The following IL1RAPL1 variants were observed in gnomAD, a reference collection of about 807,000 sequenced individuals.
IL1RAPL1 encodes the protein interleukin 1 receptor accessory protein like 1, also known as interleukin-1 receptor accessory protein-like 1.
A neutral mutation model predicts 48.4 loss-of-function variants in IL1RAPL1; 3 were observed. That is an observed-to-expected ratio of 0.06 (90% CI 0.03 to 0.16). IL1RAPL1 has a LOEUF of 0.16. Among genes scored for constraint, IL1RAPL1 ranks in the 10% least tolerant of loss-of-function variants. The probability of loss-of-function intolerance (pLI) is 1.00; values close to 1 mark genes in which losing one functional copy is unlikely to be tolerated. For synonymous variants in IL1RAPL1, 185 were observed against 187.7 expected (o/e 0.99, Z 0.12); for missense variants, 349 against 530.6 (o/e 0.66, Z 3.36).
rs758054386 is a variant in IL1RAPL1 at position 28,998,377 on chromosome X, G to A, written c.82+208952G>A. Among the ~76,000 whole-genome samples, 7 of 111,503 alleles carry A rather than the reference G, an allele frequency of 6.3e-5. No individual in the cohort carries two copies. In the East Asian group the frequency reaches 1.1e-3, roughly 18 times the overall value. On this transcript the variant is annotated intron_variant, in intron 2 of 10. Transcript: ENST00000378993. ...TTCTGCCAGCTTTGGTCATTTGACA[G>A]CTACAATTCTCCTTCTTCAATATGT...
At chrX:28,637,872 A>T in intron 1 of IL1RAPL1, among the ~76,000 whole-genome samples, 1 of 112,456 alleles carries the variant, frequency 8.9e-6, no homozygotes, top group East Asian at 2.8e-4. Flanking sequence ...TGTAAGACAT[A>T]AGGCTTTGCC....
chrX:29,093,939 C>T (rs1928145682), intron 2 of IL1RAPL1, among the ~76,000 whole-genome samples: 1 of 111,996 alleles, frequency 8.9e-6, no homozygotes, highest in Non-Finnish European at 1.9e-5. Flanking sequence ...GGTTTCTCCT[C>T]AACCCTTCTT....
At chrX:28,968,229 G>T (rs1199995964) in intron 2 of IL1RAPL1, among the ~76,000 whole-genome samples, 2 of 111,475 alleles carry the variant, frequency 1.8e-5, no homozygotes, top group Non-Finnish European at 3.8e-5. Flanking sequence ...CCTTAGTCAA[G>T]AGCCATTAGT....
At chrX:29,625,817 A>G (rs1924601589) in intron 5 of IL1RAPL1, among the ~76,000 whole-genome samples, 2 of 111,992 alleles carry the variant, frequency 1.8e-5, no homozygotes, top group South Asian at 3.7e-4. Context: ...TGATCCTTCC[A>G]TGTGATTTGA....
At chrX:28,609,763 C>T (rs1934126515) in intron 1 of IL1RAPL1, among the ~76,000 whole-genome samples, 1 of 109,669 alleles carries the variant, frequency 9.1e-6, no homozygotes, top group Non-Finnish European at 1.9e-5. Flanking sequence ...TTGTTTTAAC[C>T]CTTCCTTAAT....
chrX:29,505,201 A>G (rs1407547195), intron 5 of IL1RAPL1, among the ~76,000 whole-genome samples: 1 of 111,798 alleles, frequency 8.9e-6, no homozygotes, highest in African/African-American at 3.2e-5. Context: ...TATATTGCCT[A>G]TCTCTTAACA....
intron 2 of IL1RAPL1, among the ~76,000 whole-genome samples, chrX:28,806,262 C>A (rs1341594292): frequency 8.9e-6 from 1 of 111,905 alleles, no homozygotes; most frequent in East Asian, 2.8e-4. Context: ...TAATCCCCTG[C>A]TGAAATTGTA....
chrX:29,134,799 A>G (rs1475058666), intron 2 of IL1RAPL1, among the ~76,000 whole-genome samples: 1 of 111,287 alleles, frequency 9.0e-6, no homozygotes, highest in Non-Finnish European at 1.9e-5. Flanking sequence ...TACTTTTTAT[A>G]TTGTTATAGA....
At chrX:29,220,809 G>T (rs1930958938) in intron 2 of IL1RAPL1, among the ~76,000 whole-genome samples, 1 of 112,471 alleles carries the variant, frequency 8.9e-6, no homozygotes, top group Non-Finnish European at 1.9e-5. Flanking sequence ...ACACATTGCA[G>T]TCACTCAGGG....
chrX:29,114,231 A>T (rs1928632166), intron 2 of IL1RAPL1, among the ~76,000 whole-genome samples: 1 of 111,990 alleles, frequency 8.9e-6, no homozygotes, highest in Non-Finnish European at 1.9e-5. Context: ...CTCACCCATA[A>T]AACCATTTGA....
At position 29,735,987 on chromosome X, in the gene IL1RAPL1, C is replaced by T. The variant is rs952916861; in HGVS notation, c.778+67483C>T. Among the ~76,000 whole-genome samples, 10 of 112,059 alleles carry T rather than the reference C, an allele frequency of 8.9e-5. No homozygotes were observed. The East Asian group carries it at 2.5e-3, about 28-fold the overall frequency. ...AATAGACTTGGTTCTGGCCGTTAGCCAGGTTAAATTGGTATGTATGTGGCA... is the reference window on the plus strand; with the variant it reads ...AATAGACTTGGTTCTGGCCGTTAGCTAGGTTAAATTGGTATGTATGTGGCA... On this transcript the variant is annotated intron_variant, in intron 6 of 10. Coordinates refer to ENST00000378993, the MANE Select transcript of IL1RAPL1 (RefSeq NM_014271.4).
intron 5 of IL1RAPL1, among the ~76,000 whole-genome samples, chrX:29,490,622 A>G (rs1935146086): frequency 8.9e-6 from 1 of 111,812 alleles, no homozygotes; most frequent in Non-Finnish European, 1.9e-5. Context: ...TTGTATTTCA[A>G]GCTACAAAAT....
intron 2 of IL1RAPL1, among the ~76,000 whole-genome samples, chrX:28,925,898 C>T (rs113342096): frequency 6.3e-5 from 7 of 111,391 alleles, no homozygotes; most frequent in African/African-American, 1.3e-4. Context: ...TCCAGCCTGG[C>T]GACAGAGTGA....
chrX:29,925,412 GTT>G (rs763481708), intron 8 of IL1RAPL1, among the ~76,000 whole-genome samples: 26 of 11,458 alleles, frequency 2.3e-3, no homozygotes, highest in African/African-American at 8.1e-3. Flanking sequence ...TCCCGTAACT[GTT>G]TTTTTTTTTT....
chrX:29,450,965 A>C (rs764931259), intron 5 of IL1RAPL1, among the ~76,000 whole-genome samples: 1 of 110,350 alleles, frequency 9.1e-6, no homozygotes, highest in Non-Finnish European at 1.9e-5. Flanking sequence ...CAAGTTAGGT[A>C]GTAGGGGGGT....
At chrX:29,253,109 A>G (rs1931694977) in intron 2 of IL1RAPL1, among the ~76,000 whole-genome samples, 1 of 111,224 alleles carries the variant, frequency 9.0e-6, no homozygotes, top group Non-Finnish European at 1.9e-5. Context: ...AAGTGAAATA[A>G]CATGTCTAAG....
At chrX:29,726,016 C>A (rs371435552) in intron 6 of IL1RAPL1, among the ~76,000 whole-genome samples, 1 of 111,884 alleles carries the variant, frequency 8.9e-6, no homozygotes, top group African/African-American at 3.3e-5. Flanking sequence ...ACAACAAGCA[C>A]GCAACAAGCA....
intron 2 of IL1RAPL1, among the ~76,000 whole-genome samples, chrX:29,238,613 T>A (rs1340315497): frequency 8.9e-6 from 1 of 112,022 alleles, no homozygotes; most frequent in African/African-American, 3.2e-5. Flanking sequence ...CAGCAGCCCC[T>A]CACATGGCTC....
chrX:29,853,842 A>G (rs1267323482), intron 6 of IL1RAPL1, among the ~76,000 whole-genome samples: 2 of 111,899 alleles, frequency 1.8e-5, no homozygotes, highest in Non-Finnish European at 3.8e-5. Flanking sequence ...TTTCTATTAT[A>G]TGATTTCACT....
Sources: gnomAD v4.1 joint callset for allele counts (sites outside exome capture counted in the v4.1 genomes callset) on GRCh38, gnomAD v4.1.1 for gene constraint, MANE v1.5 for transcripts, NCBI Gene and HGNC (gene_info 2026-07-23, HGNC 2026-07-21) for gene names.